AGPAT2: variants seen among roughly 807,000 people sequenced by gnomAD.
AGPAT2 encodes the protein 1-acylglycerol-3-phosphate O-acyltransferase 2.
A neutral mutation model predicts 26.1 loss-of-function variants in AGPAT2; 18 were observed. That is an observed-to-expected ratio of 0.69 (90% CI 0.48 to 1.02). The LOEUF (loss-of-function observed/expected upper bound fraction) is 1.02, where lower values mean the gene tolerates loss of function less well. Among genes scored for constraint, AGPAT2 ranks in the 50% least tolerant of loss-of-function variants. The pLI, the probability that AGPAT2 is intolerant of heterozygous loss-of-function variation, is 0.00. For synonymous variants in AGPAT2, 200 were observed against 174.2 expected (o/e 1.15, Z -1.16); for missense variants, 415 against 394.9 (o/e 1.05, Z -0.43).
rs747671693 is a variant in AGPAT2 at position 136,674,714 on chromosome 9, G to C, written c.661+21C>G. The C allele has an allele frequency of 1.4e-5, 20 of 1,431,378 alleles. No homozygotes were observed. In the South Asian group the frequency reaches 2.2e-4, roughly 16 times the overall value. 88.7% of individuals were successfully genotyped at this position (1,431,378 alleles called of 1,614,324 possible). On this transcript the variant is annotated intron_variant, in intron 5 of 5. Transcript: ENST00000371696. ...AGGGTCAGGCGGGGCCTACACCCCGGGTGCACACATGTGGGGGTACCTGAA... is the reference window on the plus strand; with the variant it reads ...AGGGTCAGGCGGGGCCTACACCCCGCGTGCACACATGTGGGGGTACCTGAA...
At position 136,673,908 on chromosome 9, in the gene AGPAT2, C is replaced by T. The variant is rs1483521666; in HGVS notation, c.681G>A (p.Val227=). 1 of 1,587,840 alleles carries T rather than the reference C, an allele frequency of 6.3e-7. No individual in the cohort carries two copies. The highest frequency in any genetic ancestry group is 8.6e-7 in the Non-Finnish European group (1 of 1,167,542). The change falls in exon 6 of 6, where the codon GTG becomes GTA. Residue 227 remains valine, a synonymous_variant. Transcript: ENST00000371696. ...FFTSGTVTVQ[V]LEAIPTSGLT... ...GGCCGCTGGTGGGGATGGCTTCCAGCACCTGCACTGTGACTGTTCCTGTGG... is the reference window on the plus strand; with the variant it reads ...GGCCGCTGGTGGGGATGGCTTCCAGTACCTGCACTGTGACTGTTCCTGTGG...
At chr9:136,686,765 C>A (rs1846226414) in intron 1 of AGPAT2, among the ~76,000 whole-genome samples, 1 of 152,252 alleles carries the variant, frequency 6.6e-6, no homozygotes, top group African/African-American at 2.4e-5. Flanking sequence ...TGATCAATAG[C>A]CCTGGGGCAA....
intron 1 of AGPAT2, among the ~76,000 whole-genome samples, chr9:136,685,824 A>G (rs1248391573): frequency 6.6e-6 from 1 of 152,164 alleles, no homozygotes; most frequent in Non-Finnish European, 1.5e-5. Context: ...CCAGGGCCAG[A>G]ACCACAGGTG....
chr9:136,684,970 G>A (rs1017374888), intron 1 of AGPAT2, among the ~76,000 whole-genome samples: 2 of 152,104 alleles, frequency 1.3e-5, no homozygotes, highest in African/African-American at 4.8e-5. Context: ...CCCTCCCGAC[G>A]GCCCCCACGG....
At chr9:136,676,795 C>T in intron 3 of AGPAT2, 115 bp from the exon 4 acceptor site, 1 of 1,281,668 alleles carries the variant, frequency 7.8e-7, no homozygotes, top group Non-Finnish European at 1.1e-6. Context: ...GGGACCCCAT[C>T]TGCGGAGCAT....
At chr9:136,683,060 TA>T (rs1846181260) in intron 1 of AGPAT2, among the ~76,000 whole-genome samples, 1 of 5,632 alleles carries the variant, frequency 1.8e-4, no homozygotes, top group Non-Finnish European at 3.3e-4. Flanking sequence ...TGGGGATGAC[TA>T]GGGGGTGGGG....
At chr9:136,676,033 G>A (rs892347601) in intron 4 of AGPAT2, among the ~76,000 whole-genome samples, 6 of 152,184 alleles carry the variant, frequency 3.9e-5, no homozygotes, top group African/African-American at 7.2e-5. Flanking sequence ...CAGGACAGGT[G>A]CTGGGGGAAT....
At chr9:136,679,630 G>A (rs974911330) in intron 1 of AGPAT2, among the ~76,000 whole-genome samples, 3 of 152,190 alleles carry the variant, frequency 2.0e-5, no homozygotes, top group South Asian at 2.1e-4. Context: ...GGCAAAAGCC[G>A]GCAGTTCACC....
intron 3 of AGPAT2, 96 bp downstream of exon 3, chr9:136,676,854 ATGTGGGGGTCT>A (rs1016313266): frequency 7.2e-7 from 1 of 1,389,540 alleles, no homozygotes; most frequent in African/African-American, 1.4e-5. Context: ...AGCATGGATG[ATGTGGGGGTCT>A]TGTTTTTTCT....
chr9:136,684,473 G>A (rs1185922930), intron 1 of AGPAT2, among the ~76,000 whole-genome samples: 4 of 152,234 alleles, frequency 2.6e-5, no homozygotes, highest in African/African-American at 9.6e-5. Context: ...TGCCTCAGAG[G>A]TTCTAGTCCC....
At position 136,673,570 on chromosome 9, in the gene AGPAT2, G is replaced by A. The variant is rs1846039447; in HGVS notation, c.*182C>T. 6 of 632,424 alleles carry A rather than the reference G, an allele frequency of 9.5e-6. No individual in the cohort carries two copies. The highest frequency in any genetic ancestry group is 1.5e-5 in the Non-Finnish European group (6 of 409,294). 39.2% of individuals were successfully genotyped at this position (632,424 alleles called of 1,614,324 possible). A position where few individuals can be genotyped will look rare whatever the true frequency, so the allele number is the denominator to read the frequency against. On this transcript the variant is annotated 3_prime_UTR_variant, in exon 6 of 6. Coordinates refer to ENST00000371696, the MANE Select transcript of AGPAT2 (RefSeq NM_006412.4). ...GAGGGTCCAGCTGAGCCCCCTGCAG[G>A]GGACACCAGGGGCCTGTGTCTGAGG... is the stretch of plus-strand genomic sequence containing the variant.
intron 1 of AGPAT2, among the ~76,000 whole-genome samples, chr9:136,681,448 G>A (rs112486513): frequency 0.011 from 1,660 of 152,332 alleles, 38 homozygotes; most frequent in African/African-American, 0.038. Context: ...CTTCCCCCGC[G>A]GTGTCCCGTA....
At chr9:136,682,754 CTG>C (rs1846175923) in intron 1 of AGPAT2, among the ~76,000 whole-genome samples, 1 of 152,200 alleles carries the variant, frequency 6.6e-6, no homozygotes, top group Admixed American at 6.5e-5. Flanking sequence ...AGCCCTCAGA[CTG>C]GAGTCCACTG....
rs775097208 is a variant in AGPAT2 at position 136,677,046 on chromosome 9, C to T, written c.407G>A (p.Gly136Glu). The change falls in exon 3 of 6, where the codon GGG (glycine) becomes GAG (glutamate). Residue 136 changes from glycine (G) to glutamate (E), a missense_variant. Gly to Glu is a moderately conservative substitution (Grantham distance 98). Coordinates refer to ENST00000371696, the MANE Select transcript of AGPAT2 (RefSeq NM_006412.4). Reference sequence around the variant, plus strand: ...CTGCCGGTTGATGAAGAAGACGCCCCCGAGGTACATGATGAGGCCCACGGG... The same window carrying T: ...CTGCCGGTTGATGAAGAAGACGCCCTCGAGGTACATGATGAGGCCCACGGG... ...LGPVGLIMYL[G>E]GVFFINRQRS... is the part of the protein sequence containing the mutation. 6.2e-7 allele frequency: 1 copy of T among 1,613,226 alleles called. No individual in the cohort carries two copies. Among genetic ancestry groups the T allele is most frequent in the South Asian group, 1.1e-5 (1 of 91,080 alleles).
At chr9:136,679,939 A>G (rs1181060818) in intron 1 of AGPAT2, among the ~76,000 whole-genome samples, 1 of 152,246 alleles carries the variant, frequency 6.6e-6, no homozygotes, top group Non-Finnish European at 1.5e-5. Context: ...TGGAGTGAGA[A>G]GCCTGTGGTG....
rs376439157 is a variant in AGPAT2, at chr9:136,676,697, G to A, written c.493-17C>T. Reference sequence around the variant, plus strand: ...CACTTTGAGCTGCAGGGAGAGGAGAGCCTGGACTGACCTCACGCCCAGGCC... The same window carrying A: ...CACTTTGAGCTGCAGGGAGAGGAGAACCTGGACTGACCTCACGCCCAGGCC... On this transcript the variant is annotated splice_polypyrimidine_tract_variant and intron_variant, in intron 3 of 5. Coordinates refer to ENST00000371696, the MANE Select transcript of AGPAT2 (RefSeq NM_006412.4). The A allele has an allele frequency of 1.9e-5, 30 of 1,610,494 alleles. No homozygotes were observed. In the Admixed American group the frequency reaches 4.8e-4, roughly 26 times the overall value.
chr9:136,685,657 C>T (rs1259994198), intron 1 of AGPAT2, among the ~76,000 whole-genome samples: 3 of 152,192 alleles, frequency 2.0e-5, no homozygotes, highest in Admixed American at 6.5e-5. Flanking sequence ...CTGCAGGCAT[C>T]AGAACCACAC....
intron 1 of AGPAT2, among the ~76,000 whole-genome samples, chr9:136,682,141 C>T (rs890718652): frequency 1.3e-5 from 2 of 152,188 alleles, no homozygotes; most frequent in Non-Finnish European, 2.9e-5. Context: ...AACCCTGCTT[C>T]GGAGCTGGCA....
intron 1 of AGPAT2, among the ~76,000 whole-genome samples, chr9:136,681,705 G>T (rs1029902513): frequency 6.6e-6 from 1 of 152,200 alleles, no homozygotes; most frequent in African/African-American, 2.4e-5. Flanking sequence ...GGGAGGCTGA[G>T]GCGGGAGAAT....
Sources: gnomAD v4.1 joint callset for allele counts (sites outside exome capture counted in the v4.1 genomes callset) on GRCh38, gnomAD v4.1.1 for gene constraint, MANE v1.5 for transcripts, NCBI Gene and HGNC (gene_info 2026-07-23, HGNC 2026-07-21) for gene names.